PTPRD: variants seen among roughly 807,000 people sequenced by gnomAD.
PTPRD encodes protein tyrosine phosphatase receptor type D, also known as receptor-type tyrosine-protein phosphatase delta.
In PTPRD, 34 loss-of-function variants were observed where a neutral mutation model predicts 214.5. The ratio of observed to expected loss-of-function variants is 0.16; its 90% CI spans 0.12 to 0.21. The LOEUF (loss-of-function observed/expected upper bound fraction) is 0.21, where lower values mean the gene tolerates loss of function less well. Among genes scored for constraint, PTPRD ranks in the 10% least tolerant of loss-of-function variants. The probability of loss-of-function intolerance (pLI) is 1.00; values close to 1 mark genes in which losing one functional copy is unlikely to be tolerated. For missense variants in PTPRD, 2,545 were observed against 2,398.7 expected (o/e 1.06, Z -1.27); for synonymous variants, 1,128 against 845.7 (o/e 1.33, Z -5.79).
chr9:10,462,831 A>T (rs1229303570), intron 2 of PTPRD, among the ~76,000 whole-genome samples: 2 of 151,730 alleles, frequency 1.3e-5, no homozygotes, highest in Non-Finnish European at 2.9e-5. Context: ...TACATTGTAA[A>T]ATGTATAAAA....
At chr9:10,344,351 T>C (rs2097020358) in intron 2 of PTPRD, among the ~76,000 whole-genome samples, 1 of 152,096 alleles carries the variant, frequency 6.6e-6, no homozygotes. Context: ...ATGTGTGGTG[T>C]TATTTCTGAG....
intron 9 of PTPRD, among the ~76,000 whole-genome samples, chr9:9,300,182 G>A (rs2134675038): frequency 6.6e-6 from 1 of 151,062 alleles, no homozygotes; most frequent in Non-Finnish European, 1.5e-5. Flanking sequence ...GGTATGTCAT[G>A]CTCTACTTAA....
chr9:10,252,567 C>A (rs1050671851), intron 3 of PTPRD, among the ~76,000 whole-genome samples: 6 of 151,790 alleles, frequency 4.0e-5, no homozygotes, highest in African/African-American at 1.5e-4. Context: ...TATTATTATT[C>A]TGATATTATA....
chr9:10,552,528 A>C (rs1324389299), intron 2 of PTPRD, among the ~76,000 whole-genome samples: 1 of 151,848 alleles, frequency 6.6e-6, no homozygotes, highest in Non-Finnish European at 1.5e-5. Flanking sequence ...TAAGTTTTTC[A>C]GTTTTTCCTC....
intron 7 of PTPRD, among the ~76,000 whole-genome samples, chr9:9,686,205 C>T (rs2097164375): frequency 6.6e-6 from 1 of 151,168 alleles, no homozygotes; most frequent in South Asian, 2.1e-4. Context: ...CTTAAATTTT[C>T]ATTCATTCAG....
intron 3 of PTPRD, among the ~76,000 whole-genome samples, chr9:10,072,504 A>G (rs2098043454): frequency 1.3e-5 from 2 of 152,068 alleles, no homozygotes; most frequent in Non-Finnish European, 2.9e-5. Context: ...GAAAGAACAC[A>G]GCTTCCACAG....
At chr9:10,548,778 G>A (rs112186177) in intron 2 of PTPRD, among the ~76,000 whole-genome samples, 3,243 of 152,234 alleles carry the variant, frequency 0.021, 51 homozygotes, top group South Asian at 0.068. Context: ...TGCACTCCAG[G>A]AGAACTGCCA....
chr9:9,362,942 T>A (rs566198778), intron 9 of PTPRD, among the ~76,000 whole-genome samples: 1 of 151,344 alleles, frequency 6.6e-6, no homozygotes. Context: ...GGAACGTAGA[T>A]TCTTGTAAAT....
At chr9:9,392,759 A>T (rs1026101319) in intron 9 of PTPRD, among the ~76,000 whole-genome samples, 3 of 152,180 alleles carry the variant, frequency 2.0e-5, no homozygotes, top group African/African-American at 4.8e-5. Flanking sequence ...GCCCAGGTCA[A>T]ATTTGTCTAT....
In PTPRD at chr9:10,521,214, C is replaced by G. The variant is rs189754276; in HGVS notation, c.-600+91184G>C. ...ACAGTAGATTGGAAAAAGTAGGTTCCAACTCTCACAGATGACTTTCAGGGT... is the reference window on the plus strand; with the variant it reads ...ACAGTAGATTGGAAAAAGTAGGTTCGAACTCTCACAGATGACTTTCAGGGT... On this transcript the variant is annotated intron_variant, in intron 2 of 45. Coordinates refer to ENST00000381196, the MANE Select transcript of PTPRD (RefSeq NM_002839.4). Among the ~76,000 whole-genome samples the G allele has an allele frequency of 1.5e-3, 234 of 152,108 alleles. 1 individual carries two copies. The highest frequency in any genetic ancestry group is 5.4e-3 in the African/African-American group (225 of 41,494).
intron 9 of PTPRD, among the ~76,000 whole-genome samples, chr9:9,324,397 T>C (rs996642308): frequency 5.3e-5 from 8 of 152,216 alleles, no homozygotes; most frequent in Admixed American, 3.3e-4. Flanking sequence ...TGGTGTGAGA[T>C]GGTATCTCAG....
At chr9:9,511,555 T>A (rs1050420660) in intron 8 of PTPRD, among the ~76,000 whole-genome samples, 1 of 151,804 alleles carries the variant, frequency 6.6e-6, no homozygotes, top group Admixed American at 6.6e-5. Context: ...GAAGGATTTT[T>A]ATGAAAATTT....
intron 14 of PTPRD, among the ~76,000 whole-genome samples, chr9:8,598,568 A>G (rs11787728): frequency 0.14 from 22,072 of 152,226 alleles, 1,722 homozygotes; most frequent in East Asian, 0.23. Context: ...TGAAAGCATA[A>G]TATTTTTGAC....
In PTPRD at chr9:8,504,323, G is replaced by A. The variant is rs2137225691; in HGVS notation, c.1760C>T (p.Ala587Val). The A allele has an allele frequency of 1.2e-6, 2 of 1,614,136 alleles. No homozygotes were observed. Among genetic ancestry groups the A allele is most frequent in the South Asian group, 2.2e-5 (2 of 91,080 alleles). The change falls in exon 23 of 46, where the codon GCA becomes GTA. Residue 587 changes from alanine (A) to valine (V), a missense_variant. Physicochemically the swap from Ala to Val is moderately conservative, Grantham distance 64. Coordinates refer to ENST00000381196, the MANE Select transcript of PTPRD (RefSeq NM_002839.4). The part of the protein sequence containing the change: ...PNSLYYFRLA[A>V]RSPQGLGAST... ...AGCACCCAGGCCTTGAGGGGAGCGT[G>A]CAGCCAGACGGAAATAGTATAAGCT...
chr9:8,719,549 A>G (rs1865340), intron 12 of PTPRD, among the ~76,000 whole-genome samples: 92,224 of 152,046 alleles, frequency 0.61, 29,264 homozygotes, highest in African/African-American at 0.8. Context: ...CAAAAGCAGG[A>G]GTGATCAAAC....
intron 2 of PTPRD, among the ~76,000 whole-genome samples, chr9:10,363,996 T>TTTGTTCC (rs1555222209): frequency 1.0e-5 from 1 of 98,632 alleles, no homozygotes; most frequent in African/African-American, 3.8e-5. Flanking sequence ...TTCGGGTTTT[T>TTTGTTCC]TTTTTTTTTT....
intron 11 of PTPRD, among the ~76,000 whole-genome samples, chr9:8,833,657 C>G (rs560202234): frequency 2.0e-5 from 3 of 149,506 alleles, no homozygotes; most frequent in South Asian, 4.2e-4. Context: ...GCACCATTCA[C>G]AACATTATAA....
At chr9:9,368,105 T>C (rs986835608) in intron 9 of PTPRD, among the ~76,000 whole-genome samples, 2 of 151,904 alleles carry the variant, frequency 1.3e-5, no homozygotes, top group Non-Finnish European at 2.9e-5. Flanking sequence ...ATTTACATAA[T>C]TCGGCCCAAA....
chr9:8,730,498 A>T (rs894846421), intron 12 of PTPRD, among the ~76,000 whole-genome samples: 6 of 152,338 alleles, frequency 3.9e-5, no homozygotes, highest in African/African-American at 1.4e-4. Flanking sequence ...AATTATAATG[A>T]CCACAGTGTA....
Sources: gnomAD v4.1 joint callset for allele counts (sites outside exome capture counted in the v4.1 genomes callset) on GRCh38, gnomAD v4.1.1 for gene constraint, MANE v1.5 for transcripts, NCBI Gene and HGNC (gene_info 2026-07-23, HGNC 2026-07-21) for gene names.